NAV2: variants seen among roughly 807,000 people sequenced by gnomAD.
The protein encoded by NAV2 is helicase, APC down-regulated 1.
In NAV2, 54 loss-of-function variants were observed where a neutral mutation model predicts 223.2. The ratio of observed to expected loss-of-function variants is 0.24; its 90% confidence interval spans 0.19 to 0.30. The LOEUF (loss-of-function observed/expected upper bound fraction) is 0.30. Ranked by LOEUF, NAV2 falls within the 10% of genes least tolerant of loss-of-function variation. The pLI, the probability that NAV2 is intolerant of heterozygous loss-of-function variation, is 1.00. For synonymous variants in NAV2, 1,279 were observed against 1,239.3 expected (o/e 1.03, Z -0.67); for missense variants, 2,806 against 3,147.5 (o/e 0.89, Z 2.60).
intron 6 of NAV2, among the ~76,000 whole-genome samples, chr11:19,917,701 C>T (rs1219963783): frequency 1.3e-5 from 2 of 152,240 alleles, no homozygotes; most frequent in Non-Finnish European, 2.9e-5. Flanking sequence ...CAACCTCCGC[C>T]TCCTGGGTTC....
chr11:20,085,977 G>A (rs1039460421), intron 26 of NAV2, among the ~76,000 whole-genome samples: 1 of 152,186 alleles, frequency 6.6e-6, no homozygotes, highest in African/African-American at 2.4e-5. Flanking sequence ...AATGAGCAGG[G>A]CAGTCTTCCT....
chr11:19,984,005 A>C, intron 10 of NAV2, 120 bp from the exon 11 acceptor site: 1 of 1,299,604 alleles, frequency 7.7e-7, no homozygotes, highest in East Asian at 2.3e-5. Context: ...GCCTCAGGGA[A>C]TCCTCCGTTT....
At chr11:19,460,453 T>C (rs1227947232) in intron 1 of NAV2, among the ~76,000 whole-genome samples, 2 of 152,138 alleles carry the variant, frequency 1.3e-5, no homozygotes, top group Non-Finnish European at 2.9e-5. Flanking sequence ...ACATGGTGGG[T>C]GACCCCCAAA....
At chr11:19,969,404 G>A (rs58443581) in intron 10 of NAV2, among the ~76,000 whole-genome samples, 9,173 of 152,150 alleles carry the variant, frequency 0.06, 883 homozygotes, top group African/African-American at 0.21. Flanking sequence ...ACTATTGATA[G>A]TATTTGACTT....
intron 19 of NAV2, among the ~76,000 whole-genome samples, chr11:20,057,555 T>G (rs2153615082): frequency 6.6e-6 from 1 of 152,316 alleles, no homozygotes; most frequent in East Asian, 1.9e-4. Flanking sequence ...ATTGTGATCC[T>G]AAGGTGAAGG....
At chr11:19,767,124 A>G (rs984672039) in intron 1 of NAV2, among the ~76,000 whole-genome samples, 1 of 152,232 alleles carries the variant, frequency 6.6e-6, no homozygotes, top group South Asian at 2.1e-4. Context: ...TCAGGGAATG[A>G]AAAGATACAA....
intron 1 of NAV2, among the ~76,000 whole-genome samples, chr11:19,451,776 C>G (rs528420987): frequency 2.6e-5 from 4 of 152,162 alleles, no homozygotes; most frequent in Non-Finnish European, 5.9e-5. Flanking sequence ...GAAGGAACAG[C>G]CTCACAGCTT....
At chr11:19,395,277 C>A (rs966371097) in intron 1 of NAV2, among the ~76,000 whole-genome samples, 2 of 152,234 alleles carry the variant, frequency 1.3e-5, no homozygotes, top group African/African-American at 4.8e-5. Flanking sequence ...AGAGAAAGCC[C>A]CTCATTGGGC....
At chr11:19,353,181 C>A (rs1853425157) in intron 1 of NAV2, among the ~76,000 whole-genome samples, 1 of 152,178 alleles carries the variant, frequency 6.6e-6, no homozygotes, top group African/African-American at 2.4e-5. Flanking sequence ...GCACCAGATC[C>A]TCCTGGCATT....
intron 10 of NAV2, 104 bp from the exon 11 acceptor site, chr11:19,984,021 C>G: frequency 6.8e-7 from 1 of 1,472,532 alleles, no homozygotes. Context: ...CGTTTCTTCC[C>G]CCTTAGAGCA....
intron 27 of NAV2, 81 bp downstream of exon 27, chr11:20,091,099 G>T: frequency 6.7e-7 from 1 of 1,491,552 alleles, no homozygotes; most frequent in Middle Eastern, 2.5e-4. Context: ...AAGCCCTGAG[G>T]GCTGCATCAG....
At chr11:19,965,328 T>A (rs2048682126) in intron 10 of NAV2, among the ~76,000 whole-genome samples, 1 of 152,130 alleles carries the variant, frequency 6.6e-6, no homozygotes, top group African/African-American at 2.4e-5. Context: ...TGTACACATG[T>A]CTAAAATGTA....
chr11:19,881,242 C>A (rs892303194), intron 5 of NAV2, among the ~76,000 whole-genome samples: 3 of 152,122 alleles, frequency 2.0e-5, no homozygotes, highest in African/African-American at 7.2e-5. Flanking sequence ...CAAATCAGGT[C>A]CCATAATTAA....
At chr11:20,078,166 A>G in intron 24 of NAV2, 62 bp downstream of exon 24, 1 of 1,143,548 alleles carries the variant, frequency 8.7e-7, no homozygotes, top group South Asian at 1.3e-5. Context: ...CCCTCCCCTG[A>G]CATCATATGA....
intron 6 of NAV2, among the ~76,000 whole-genome samples, chr11:19,900,606 C>A (rs1308899874): frequency 6.6e-6 from 1 of 152,080 alleles, no homozygotes; most frequent in Non-Finnish European, 1.5e-5. Context: ...AAGTCACATA[C>A]CCCAAGGGAG....
At chr11:19,676,927 A>G (rs78224985) in intron 1 of NAV2, among the ~76,000 whole-genome samples, 1,649 of 152,228 alleles carry the variant, frequency 0.011, 33 homozygotes, top group African/African-American at 0.038. Flanking sequence ...GACATTTCCT[A>G]GGATGTGACA....
chr11:19,558,074 CTATTTG>C (rs1268132643), intron 1 of NAV2, among the ~76,000 whole-genome samples: 5 of 152,124 alleles, frequency 3.3e-5, no homozygotes, highest in Non-Finnish European at 2.9e-5. Flanking sequence ...GATAGTTAGC[CTATTTG>C]TATTTAAAAC....
intron 1 of NAV2, among the ~76,000 whole-genome samples, chr11:19,358,083 G>T (rs998833895): frequency 6.6e-6 from 1 of 152,092 alleles, no homozygotes; most frequent in Non-Finnish European, 1.5e-5. Flanking sequence ...CATGCCTGGG[G>T]TTTGAATCAC....
chr11:19,618,349 G>A (rs1290789898), intron 1 of NAV2, among the ~76,000 whole-genome samples: 1 of 148,440 alleles, frequency 6.7e-6, no homozygotes, highest in Non-Finnish European at 1.5e-5. Context: ...TTGCTTGATG[G>A]ATTGCTGGAT....
Sources: allele counts gnomAD v4.1 joint callset (sites outside exome capture counted in the v4.1 genomes callset), GRCh38; gene constraint gnomAD v4.1.1; transcripts MANE v1.5; gene names NCBI Gene and HGNC (gene_info 2026-07-23, HGNC 2026-07-21).